Variants in RAB11FIP4 observed in about 807,000 individuals in gnomAD.
The protein encoded by RAB11FIP4 is RAB11 family interacting protein 4.
In RAB11FIP4, 23 loss-of-function variants were observed where a neutral mutation model predicts 74.3. That is an observed-to-expected ratio of 0.31 (90% CI 0.22 to 0.44). The LOEUF (loss-of-function observed/expected upper bound fraction) is 0.44, where lower values mean the gene tolerates loss of function less well. RAB11FIP4 is among the 20% of genes least tolerant of loss of function. RAB11FIP4 has a pLI of 1.00. For synonymous variants in RAB11FIP4, 360 were observed against 359.9 expected, an observed-to-expected ratio of 1.00 and a Z score of 0.00; for missense variants, 630 against 863.9, an observed-to-expected ratio of 0.73 and a Z score of 3.39.
At chr17:31,419,561 T>C (rs1040607055) in intron 1 of RAB11FIP4, among the ~76,000 whole-genome samples, 1 of 150,706 alleles carries the variant, frequency 6.6e-6, no homozygotes, top group African/African-American at 2.4e-5. Flanking sequence ...TTCTTTTTTT[T>C]TTTTTTTGAG....
At chr17:31,521,099 C>G in intron 4 of RAB11FIP4, 67 bp from the exon 5 acceptor site, 1 of 1,284,848 alleles carries the variant, frequency 7.8e-7, no homozygotes, top group Non-Finnish European at 1.1e-6. Flanking sequence ...CTGTCAGTTT[C>G]CCCACCACGG....
At chr17:31,438,038 A>G (rs559718387) in intron 3 of RAB11FIP4, among the ~76,000 whole-genome samples, 5 of 152,214 alleles carry the variant, frequency 3.3e-5, no homozygotes, top group African/African-American at 1.2e-4. Flanking sequence ...ACCCAGGGAA[A>G]TTTGCTTCTG....
intron 3 of RAB11FIP4, among the ~76,000 whole-genome samples, chr17:31,492,957 A>T (rs2072039397): frequency 6.6e-6 from 1 of 152,088 alleles, no homozygotes; most frequent in Admixed American, 6.5e-5. Context: ...AAAGGAGATG[A>T]GACGGGGAGG....
chr17:31,483,247 G>A (rs1417649882), intron 3 of RAB11FIP4, among the ~76,000 whole-genome samples: 3 of 149,568 alleles, frequency 2.0e-5, no homozygotes, highest in African/African-American at 7.4e-5. Context: ...CTCTGTGTGT[G>A]CGTTGACAGA....
intron 3 of RAB11FIP4, chr17:31,488,311 G>C (rs1170005372): frequency 5.1e-5 from 60 of 1,173,210 alleles, no homozygotes; most frequent in Non-Finnish European, 6.2e-5. Context: ...GCAGGGCTCC[G>C]GCGGCGCGCA....
chr17:31,394,042 C>T (rs1352315045), intron 1 of RAB11FIP4, among the ~76,000 whole-genome samples: 4 of 152,154 alleles, frequency 2.6e-5, no homozygotes, highest in Admixed American at 2.6e-4. Flanking sequence ...TTTTAGAAAC[C>T]TCTGCCAAGC....
chr17:31,536,729 GA>G lies in RAB11FIP4; in HGVS notation c.*4999del, dbSNP rs1370586168. On this transcript the variant is annotated 3_prime_UTR_variant, in exon 15 of 15. Transcript: ENST00000621161. ...CACACATGAATGGGGCAGCCAGCAG[GA>G]AGCGGGAGAGGCTGGAACCAGGAGC... 5 of 352,352 alleles carry G rather than the reference GA, an allele frequency of 1.4e-5. No individual in the cohort carries two copies. The highest frequency in any genetic ancestry group is 2.0e-5 in the Non-Finnish European group (4 of 197,030). The allele number at this position is 352,352 out of a possible 1,614,324, so 21.8% of individuals were successfully genotyped here.
chr17:31,484,595 C>T (rs1439152194), intron 3 of RAB11FIP4, among the ~76,000 whole-genome samples: 1 of 152,064 alleles, frequency 6.6e-6, no homozygotes, highest in African/African-American at 2.4e-5. Context: ...TGTGTCTAAT[C>T]TCACCCATCA....
intron 3 of RAB11FIP4, among the ~76,000 whole-genome samples, chr17:31,467,742 G>A (rs776361682): frequency 5.3e-5 from 8 of 152,140 alleles, no homozygotes; most frequent in Admixed American, 6.5e-5. Flanking sequence ...GCCACCCACC[G>A]CTCTCCATCT....
At chr17:31,405,598 C>G (rs144816648) in intron 1 of RAB11FIP4, among the ~76,000 whole-genome samples, 1 of 152,150 alleles carries the variant, frequency 6.6e-6, no homozygotes, top group Admixed American at 6.5e-5. Context: ...GTCTGGAACT[C>G]CTGACCTCAG....
chr17:31,479,160 C>T (rs1462307443), intron 3 of RAB11FIP4, among the ~76,000 whole-genome samples: 1 of 152,208 alleles, frequency 6.6e-6, no homozygotes, highest in East Asian at 1.9e-4. Context: ...AATGAAGTGG[C>T]TGGCACATAG....
intron 4 of RAB11FIP4, 125 bp downstream of exon 4, chr17:31,518,002 TG>T: frequency 1.4e-6 from 1 of 718,304 alleles, no homozygotes; most frequent in South Asian, 1.8e-5. Context: ...ATTAGTGTCA[TG>T]GGTATTCTGA....
intron 6 of RAB11FIP4, 148 bp from the exon 7 acceptor site, chr17:31,522,212 G>A: frequency 7.9e-7 from 1 of 1,264,860 alleles, no homozygotes. Flanking sequence ...AAATCAGGCT[G>A]TTTCTTCTCA....
chr17:31,487,229 C>CT (rs1409091969), intron 3 of RAB11FIP4, among the ~76,000 whole-genome samples: 1 of 152,172 alleles, frequency 6.6e-6, no homozygotes, highest in Non-Finnish European at 1.5e-5. Flanking sequence ...TCATTTTTGT[C>CT]TTTTTAAAGT....
At chr17:31,431,921 T>C in intron 2 of RAB11FIP4, 21 bp downstream of exon 2, 1 of 1,576,082 alleles carries the variant, frequency 6.3e-7, no homozygotes, top group Non-Finnish European at 8.7e-7. Flanking sequence ...CCCGGGAGGC[T>C]TTCCCAGGCG....
chr17:31,483,824 C>T (rs1374478450), intron 3 of RAB11FIP4, among the ~76,000 whole-genome samples: 2 of 152,096 alleles, frequency 1.3e-5, no homozygotes, highest in South Asian at 2.1e-4. Flanking sequence ...TTTAGCCAGT[C>T]GTTCCACATG....
rs1567654319 is a variant in RAB11FIP4 at position 31,434,137 on chromosome 17, G to A, written c.336+15G>A. 1.3e-6 allele frequency: 2 copies of A among 1,558,484 alleles called. No individual in the cohort carries two copies. The highest frequency in any genetic ancestry group is 1.7e-6 in the Non-Finnish European group (2 of 1,155,946). ...GCGTGGAGCAGGTAAGGCTTGGGGG[G>A]CCTCAAGGACCTCCATGGCTCTGCC... On this transcript the variant is annotated intron_variant, in intron 3 of 14. Coordinates refer to ENST00000621161, the MANE Select transcript of RAB11FIP4 (RefSeq NM_032932.6).
At chr17:31,402,629 T>C (rs2070999184) in intron 1 of RAB11FIP4, among the ~76,000 whole-genome samples, 1 of 151,338 alleles carries the variant, frequency 6.6e-6, no homozygotes, top group African/African-American at 2.4e-5. Context: ...TTTATTTATT[T>C]ATTTATTTTT....
chr17:31,451,636 CT>C (rs1407087004), intron 3 of RAB11FIP4, among the ~76,000 whole-genome samples: 1 of 152,144 alleles, frequency 6.6e-6, no homozygotes, highest in Non-Finnish European at 1.5e-5. Flanking sequence ...TTCAGCCACC[CT>C]GACCTGTTTT....
Sources: allele counts gnomAD v4.1 joint callset (sites outside exome capture counted in the v4.1 genomes callset), GRCh38; gene constraint gnomAD v4.1.1; transcripts MANE v1.5; gene names NCBI Gene and HGNC (gene_info 2026-07-23, HGNC 2026-07-21).